The following NAA15 variants were observed in gnomAD, a reference collection of about 807,000 sequenced individuals.
NAA15 encodes N-terminal acetyltransferase.
A neutral mutation model predicts 114.0 loss-of-function variants in NAA15; 34 were observed. The observed-to-expected ratio is 0.30, with a 90% confidence interval of 0.23 to 0.40. The LOEUF is 0.40. Ranked by LOEUF, NAA15 falls within the 10% of genes least tolerant of loss-of-function variation. The probability of loss-of-function intolerance (pLI) is 1.00; values close to 1 mark genes in which losing one functional copy is unlikely to be tolerated. For missense variants in NAA15, 658 were observed against 1,004.5 expected, an observed-to-expected ratio of 0.66 and a Z score of 4.66; for synonymous variants, 340 against 338.0, an observed-to-expected ratio of 1.01 and a Z score of -0.06.
chr4:139,361,970 T>C (rs374451269), intron 14 of NAA15, 33 bp downstream of exon 14: 194 of 1,443,398 alleles, frequency 1.3e-4, no homozygotes, highest in South Asian at 2.5e-4. Flanking sequence ...TGTGCTCTGA[T>C]GTGTTTATGT....
chr4:139,386,173 G>A lies in NAA15; in HGVS notation c.2343G>A (p.Lys781=). The change falls in exon 19 of 20, where the codon AAG becomes AAA. Residue 781 remains lysine (K), a synonymous_variant. Transcript: ENST00000296543. ...MVYYLDPSSQ[K]RAIELATTLD... ...ATTACTTAGATCCTTCTAGTCAGAA[G>A]CGAGCTATAGAGTTGGCAACAACAC... 6.2e-7 allele frequency: 1 copy of A among 1,610,816 alleles called. No individual in the cohort carries two copies. Among genetic ancestry groups the A allele is most frequent in the South Asian group, 1.1e-5 (1 of 90,552 alleles).
At chr4:139,359,319 G>T (rs1000599943) in intron 11 of NAA15, among the ~76,000 whole-genome samples, 1 of 151,688 alleles carries the variant, frequency 6.6e-6, no homozygotes, top group Non-Finnish European at 1.5e-5. Context: ...GTAGAGATGG[G>T]GTTTCACCAT....
chr4:139,301,924 T>C (rs1745776008), intron 1 of NAA15, 93 bp downstream of exon 1: 2 of 1,364,808 alleles, frequency 1.5e-6, no homozygotes, highest in Non-Finnish European at 2.0e-6. Context: ...ACTGAGCCAC[T>C]CCCGCCCGGG....
chr4:139,369,913 T>C (rs1002237354), intron 14 of NAA15, among the ~76,000 whole-genome samples: 2 of 152,112 alleles, frequency 1.3e-5, no homozygotes, highest in Non-Finnish European at 2.9e-5. Flanking sequence ...CAAGCAATTA[T>C]GCTACCTCAG....
intron 1 of NAA15, among the ~76,000 whole-genome samples, chr4:139,324,745 A>G (rs959710968): frequency 9.2e-5 from 14 of 152,238 alleles, no homozygotes; most frequent in African/African-American, 3.4e-4. Flanking sequence ...AGCCTGGCCA[A>G]CATCCAAATT....
intron 9 of NAA15, among the ~76,000 whole-genome samples, chr4:139,352,905 C>A (rs1479674189): frequency 6.6e-6 from 1 of 151,276 alleles, no homozygotes; most frequent in East Asian, 2.0e-4. Flanking sequence ...TGACCTCAGG[C>A]AATCCACCCA....
chr4:139,361,977 A>G (rs1039375932), intron 14 of NAA15, 40 bp downstream of exon 14: 1 of 1,330,738 alleles, frequency 7.5e-7, no homozygotes, highest in Non-Finnish European at 1.1e-6. Flanking sequence ...TGATGTGTTT[A>G]TGTGTATTTA....
intron 1 of NAA15, among the ~76,000 whole-genome samples, chr4:139,332,546 T>C (rs181973269): frequency 2.2e-4 from 34 of 151,118 alleles, no homozygotes; most frequent in East Asian, 1.9e-3. Flanking sequence ...TTTGCTCTTA[T>C]ACAGTCTTGG....
At chr4:139,328,299 C>T (rs932352152) in intron 1 of NAA15, among the ~76,000 whole-genome samples, 1 of 152,128 alleles carries the variant, frequency 6.6e-6, no homozygotes, top group Non-Finnish European at 1.5e-5. Flanking sequence ...CTCCACCTCC[C>T]AGGTTCAAGC....
rs192986123 is a variant in NAA15, at chr4:139,342,448, A to G, written c.403-378A>G. 6.7e-5 allele frequency among the ~76,000 whole-genome samples: 10 copies of G among 149,362 alleles called. No individual in the cohort carries two copies. The East Asian group carries it at 2.0e-3, about 29-fold the overall frequency. The stretch of plus-strand genomic sequence containing the variant: ...ATTGTTCCCATCATTGTGTTGTAAA[A>G]TGCTTGGGGTTGTGGGATAAATTAA... On this transcript the variant is annotated intron_variant, in intron 4 of 19. Transcript: ENST00000296543.
chr4:139,354,071 A>G lies in NAA15; in HGVS notation c.1060A>G (p.Lys354Glu). 6.2e-7 allele frequency: 1 copy of G among 1,613,804 alleles called. No homozygotes were observed. Among genetic ancestry groups the G allele is most frequent in the Admixed American group, 1.7e-5 (1 of 60,010 alleles). The part of the protein sequence containing the change: ...ELVVGYETSL[K>E]SCRLFNPNDD... ...AGTAGTAGGTTATGAAACCTCTCTA[A>G]AAAGCTGCCGGTTATTTAACCCCAA... Residue 354 changes from lysine to glutamate, a missense_variant, in exon 10 of 20, where the codon AAA (lysine) becomes GAA (glutamate). By Grantham distance (56) the Lys-to-Glu change is moderately conservative (BLOSUM62 1). This residue lies in a region of NAA15 where 281 missense variants were observed against 389.1 expected (regional missense o/e 0.72). Transcript: ENST00000296543.
chr4:139,310,453 C>CAA (rs770200901), intron 1 of NAA15, among the ~76,000 whole-genome samples: 9 of 53,702 alleles, frequency 1.7e-4, no homozygotes, highest in Non-Finnish European at 1.9e-4. Flanking sequence ...GACTCCGTCT[C>CAA]AAAAAAAAAA....
chr4:139,373,407 T>TA (rs1366617532), intron 15 of NAA15, among the ~76,000 whole-genome samples: 11 of 152,296 alleles, frequency 7.2e-5, no homozygotes, highest in Admixed American at 3.3e-4. Flanking sequence ...TGGGACCACT[T>TA]ACGCAGTTCA....
In NAA15 at chr4:139,379,043, A is replaced by T. The variant is rs138465463; in HGVS notation, c.2155+189A>T. Reference sequence around the variant, plus strand: ...ATTTTAAGGATACAAGTATTACCTGATTTTGACATAGAATTATTCAGTCCA... The same window carrying T: ...ATTTTAAGGATACAAGTATTACCTGTTTTTGACATAGAATTATTCAGTCCA... On this transcript the variant is annotated intron_variant, in intron 17 of 19. Coordinates refer to ENST00000296543, the MANE Select transcript of NAA15 (RefSeq NM_057175.5). 2,590 of 413,686 alleles carry T rather than the reference A, an allele frequency of 6.3e-3. 20 individuals carry two copies. The highest frequency in any genetic ancestry group is 8.9e-3 in the Non-Finnish European group (2,109 of 236,728). The allele number at this position is 413,686 out of a possible 1,614,324, so 25.6% of individuals were successfully genotyped here. A position where few individuals can be genotyped will look rare whatever the true frequency, so the allele number is the denominator to read the frequency against.
chr4:139,374,119 G>A (rs953548019), intron 15 of NAA15, among the ~76,000 whole-genome samples: 1 of 151,972 alleles, frequency 6.6e-6, no homozygotes, highest in African/African-American at 2.4e-5. Context: ...TGCTGTGCTG[G>A]GAGTTGCTAT....
intron 14 of NAA15, among the ~76,000 whole-genome samples, chr4:139,369,428 C>G (rs973234323): frequency 6.6e-6 from 1 of 152,156 alleles, no homozygotes; most frequent in Non-Finnish European, 1.5e-5. Flanking sequence ...TGTTTGCTAT[C>G]TGATGTTGAA....
chr4:139,305,933 CAGTT>C (rs1196452879), intron 1 of NAA15, among the ~76,000 whole-genome samples: 1 of 152,160 alleles, frequency 6.6e-6, no homozygotes, highest in Non-Finnish European at 1.5e-5. Flanking sequence ...GTAGGAAATA[CAGTT>C]AGTTTGTATT....
chr4:139,331,226 C>A (rs779515455), intron 1 of NAA15, among the ~76,000 whole-genome samples: 15 of 152,080 alleles, frequency 9.9e-5, no homozygotes, highest in Non-Finnish European at 1.3e-4. Context: ...CTTGCTTTCC[C>A]CCTCCAGAAT....
chr4:139,380,104 C>T (rs927494374), intron 17 of NAA15, among the ~76,000 whole-genome samples: 9 of 152,170 alleles, frequency 5.9e-5, no homozygotes, highest in Non-Finnish European at 1.0e-4. Flanking sequence ...AATTATACTA[C>T]GCTTGTCCAA....
Sources: gnomAD v4.1 joint callset for allele counts (sites outside exome capture counted in the v4.1 genomes callset) on GRCh38, gnomAD v4.1.1 for gene constraint, gnomAD v4.1.1 regional missense constraint, MANE v1.5 for transcripts, NCBI Gene and HGNC (gene_info 2026-07-23, HGNC 2026-07-21) for gene names.